ZP4: variants seen among roughly 807,000 people sequenced by gnomAD.
The protein encoded by ZP4 is zona pellucida sperm-binding protein 4.
In ZP4, 62 loss-of-function variants were observed where a neutral mutation model predicts 62.3. The observed-to-expected ratio is 0.99, with a 90% CI of 0.81 to 1.23. The LOEUF is 1.23. Ranked by LOEUF, ZP4 falls within the 50% of genes most tolerant of loss-of-function variation. ZP4 has a pLI of 0.00. For missense variants in ZP4, 774 were observed against 656.0 expected (o/e 1.18, Z -1.97); for synonymous variants, 289 against 247.3 (o/e 1.17, Z -1.58).
rs1665212481 is a variant in ZP4 at position 237,890,390 on chromosome 1, T to G, written c.175+71A>C. 8.5e-6 allele frequency: 13 copies of G among 1,538,242 alleles called. No individual in the cohort carries two copies. In the East Asian group the frequency reaches 2.9e-4, roughly 35 times the overall value. ...AGGTGAAAGTATCAATACGGGAAGA[T>G]AGGGAGACATCTTAGGTAGTAGAGG... On this transcript the variant is annotated intron_variant, in intron 1 of 11. Coordinates refer to ENST00000366570, the MANE Select transcript of ZP4 (RefSeq NM_021186.5).
chr1:237,887,126 G>A (rs1032738079), intron 5 of ZP4, among the ~76,000 whole-genome samples: 9 of 152,106 alleles, frequency 5.9e-5, no homozygotes, highest in Non-Finnish European at 1.3e-4. Context: ...ATCCCTGCTG[G>A]TTTCTTCTCT....
chr1:237,883,629 G>GGGGA (rs1332540669), intron 10 of ZP4, among the ~76,000 whole-genome samples: 21 of 5,286 alleles, frequency 4.0e-3, no homozygotes, highest in Admixed American at 6.5e-3. Context: ...TGGGAGAGAG[G>GGGGA]GGGAGGGGGA....
chr1:237,888,608 T>A, intron 3 of ZP4, 98 bp from the exon 4 acceptor site: 2 of 1,172,084 alleles, frequency 1.7e-6, no homozygotes, highest in Non-Finnish European at 2.4e-6. Flanking sequence ...CCTGTAGATA[T>A]GTAGATGATT....
At position 237,884,029 on chromosome 1, in the gene ZP4, CACAAACACACACAAACACACACAA is replaced by C. The variant is rs1558531179; in HGVS notation, c.1390+716_1390+739del. ...ACACACACACACAAACACACACACACACAAACACACACAAACACACACAAACACACACAAACACACACAAACACA... is the reference window on the plus strand; with the variant it reads ...ACACACACACACAAACACACACACACACACACACAAACACACACAAACACA... On this transcript the variant is annotated intron_variant, in intron 10 of 11. Transcript: ENST00000366570. Among the ~76,000 whole-genome samples, 44 of 94,098 alleles carry C rather than the reference CACAAACACACACAAACACACACAA, an allele frequency of 4.7e-4. 1 individual carries two copies. The highest frequency in any genetic ancestry group is 2.1e-3 in the African/African-American group (43 of 20,736). The allele number at this position is 94,098 out of a possible 152,430, so 61.7% of individuals were successfully genotyped here.
intron 10 of ZP4, among the ~76,000 whole-genome samples, chr1:237,883,983 A>ACACACAAACAC (rs1665013477): frequency 4.7e-5 from 2 of 42,408 alleles, no homozygotes; most frequent in African/African-American, 9.0e-5. Context: ...CACACACACA[A>ACACACAAACAC]ACACACACAC....
Position 237,885,254 on chromosome 1 carries a change from G to T in ZP4, c.1222C>A (p.Leu408Ile). 1 of 1,614,164 alleles carries T rather than the reference G, an allele frequency of 6.2e-7. No individual in the cohort carries two copies. The highest frequency in any genetic ancestry group is 1.7e-5 in the Admixed American group (1 of 60,026). ...QLIPVQKALD[L>I]PFPSHHQRFS... ...CGCTGGTGGTGAGAGGGAAATGGAA[G>T]ATCCAAGGCTTTCTGGACAGGGATC... Residue 408 changes from leucine (L) to isoleucine (I), a missense_variant, in exon 9 of 12, where the codon CTT becomes ATT. Coordinates refer to ENST00000366570, the MANE Select transcript of ZP4 (RefSeq NM_021186.5).
intron 6 of ZP4, 151 bp downstream of exon 6, chr1:237,886,620 A>C: frequency 1.6e-6 from 1 of 617,266 alleles, no homozygotes; most frequent in South Asian, 2.0e-5. Flanking sequence ...ACACAGATGG[A>C]CCTAATCAAG....
At chr1:237,885,974 A>G (rs1665092935) in intron 6 of ZP4, 88 bp from the exon 7 acceptor site, 1 of 1,554,342 alleles carries the variant, frequency 6.4e-7, no homozygotes, top group Non-Finnish European at 8.7e-7. Flanking sequence ...GAAAGCATTA[A>G]GTGCTAGACA....
chr1:237,885,880 A>G lies in ZP4; in HGVS notation c.846T>C (p.His282=). The part of the protein sequence containing the change: ...SVTRDSIFRL[H]VSCSYSVSSN... ...TACTTACTGAGTAGCTGCAGCTGACATGGAGCCTGCAGAGAAACAAGATTT... is the reference window on the plus strand; with the variant it reads ...TACTTACTGAGTAGCTGCAGCTGACGTGGAGCCTGCAGAGAAACAAGATTT... Residue 282 remains histidine, a synonymous_variant, in exon 7 of 12, where the codon CAT becomes CAC. Coordinates refer to ENST00000366570, the MANE Select transcript of ZP4 (RefSeq NM_021186.5). 6.2e-7 allele frequency: 1 copy of G among 1,614,130 alleles called. No homozygotes were observed. Among genetic ancestry groups the G allele is most frequent in the Non-Finnish European group, 8.5e-7 (1 of 1,180,038 alleles).
chr1:237,886,716 A>AC, intron 6 of ZP4, 55 bp downstream of exon 6: 1 of 1,468,626 alleles, frequency 6.8e-7, no homozygotes, highest in African/African-American at 1.4e-5. Context: ...TTCAGGGCTT[A>AC]CCTGAGAATG....
At position 237,888,347 on chromosome 1, in the gene ZP4, C is replaced by CA. The variant is rs1255799858; in HGVS notation, c.553+10dup. ...CCTCAGCTGGTTTCAGAGGTGTGCTCACTTACTCACCAGTGTTTCCATAGT... is the reference window on the plus strand; with the variant it reads ...CCTCAGCTGGTTTCAGAGGTGTGCTCAACTTACTCACCAGTGTTTCCATAGT... On this transcript the variant is annotated intron_variant, in intron 4 of 11. Coordinates refer to ENST00000366570, the MANE Select transcript of ZP4 (RefSeq NM_021186.5). 1.3e-6 allele frequency: 2 copies of CA among 1,563,952 alleles called. No individual in the cohort carries two copies. The highest frequency in any genetic ancestry group is 1.7e-6 in the Non-Finnish European group (2 of 1,145,862).
intron 6 of ZP4, 123 bp downstream of exon 6, chr1:237,886,648 G>T: frequency 9.4e-6 from 7 of 745,678 alleles, no homozygotes; most frequent in Non-Finnish European, 1.5e-5. Flanking sequence ...CAGTGCAATT[G>T]GTGAACCAAG....
chr1:237,884,023 C>CACACACACAA lies in ZP4; in HGVS notation c.1390+736_1390+745dup, dbSNP rs1558531128. Among the ~76,000 whole-genome samples, 457 of 65,010 alleles carry CACACACACAA rather than the reference C, an allele frequency of 7.0e-3. 6 individuals carry two copies. The highest frequency in any genetic ancestry group is 8.4e-3 in the Non-Finnish European group (247 of 29,304). 42.6% of individuals were successfully genotyped at this position (65,010 alleles called of 152,430 possible). The stretch of plus-strand genomic sequence containing the variant: ...ACACACACACACACACACAAACACA[C>CACACACACAA]ACACACACAAACACACACAAACACA... On this transcript the variant is annotated intron_variant, in intron 10 of 11. Transcript: ENST00000366570.
chr1:237,884,034 A>G (rs1302848749), intron 10 of ZP4, among the ~76,000 whole-genome samples: 3 of 95,160 alleles, frequency 3.2e-5, no homozygotes, highest in Non-Finnish European at 6.3e-5. Context: ...ACACACACAA[A>G]CACACACAAA....
At position 237,885,180 on chromosome 1, in the gene ZP4, C is replaced by T. The variant is rs1317315625; in HGVS notation, c.1296G>A (p.Gln432=). 2 of 1,613,918 alleles carry T rather than the reference C, an allele frequency of 1.2e-6. No homozygotes were observed. The highest frequency in any genetic ancestry group is 1.7e-6 in the Non-Finnish European group (2 of 1,179,948). ...FSFVNPTVEK[Q]ALRGPVHLHC... ...AACATCCTACCGGTCCCCTGAGGGC[C>T]TGTTTCTCCACTGTAGGGTTCACAA... The change falls in exon 9 of 12, where the codon CAG becomes CAA. Residue 432 remains glutamine, a synonymous_variant. Transcript: ENST00000366570.
At chr1:237,884,035 C>CACACACAA (rs1176045007) in intron 10 of ZP4, among the ~76,000 whole-genome samples, 2 of 121,588 alleles carry the variant, frequency 1.6e-5, no homozygotes, top group African/African-American at 7.9e-5. Flanking sequence ...CACACACAAA[C>CACACACAA]ACACACAAAC....
Position 237,882,555 on chromosome 1 carries a change from G to A in ZP4, c.1496-6C>T, listed in dbSNP as rs372242277. ...TTTCGAGTCTACAGGAACACCTGGA[G>A]GATGGATGGAAAGGTAGGTTAATGT... On this transcript the variant is annotated splice_polypyrimidine_tract_variant and splice_region_variant and intron_variant, in intron 11 of 11. Coordinates refer to ENST00000366570, the MANE Select transcript of ZP4 (RefSeq NM_021186.5). 84 of 1,592,054 alleles carry A rather than the reference G, an allele frequency of 5.3e-5. No individual in the cohort carries two copies. Among genetic ancestry groups the A allele is most frequent in the Non-Finnish European group, 6.7e-5 (78 of 1,172,126 alleles).
chr1:237,882,970 A>G (rs1571929154), intron 10 of ZP4, 124 bp from the exon 11 acceptor site: 4 of 634,820 alleles, frequency 6.3e-6, no homozygotes, highest in Non-Finnish European at 1.1e-5. Flanking sequence ...CAAAAACCTC[A>G]TTAAGTATAT....
intron 3 of ZP4, among the ~76,000 whole-genome samples, chr1:237,888,909 A>G (rs900374434): frequency 2.6e-5 from 4 of 152,190 alleles, no homozygotes; most frequent in African/African-American, 7.2e-5. Flanking sequence ...GGTGGGGCCT[A>G]TGATTCCTCA....
Sources: gnomAD v4.1 joint callset for allele counts (sites outside exome capture counted in the v4.1 genomes callset) on GRCh38, gnomAD v4.1.1 for gene constraint, MANE v1.5 for transcripts, NCBI Gene and HGNC (gene_info 2026-07-23, HGNC 2026-07-21) for gene names.